AFTPH: variants seen among roughly 807,000 people sequenced by gnomAD.
The protein encoded by AFTPH is aftiphilin.
AFTPH carries 7 observed loss-of-function variants against 72.5 expected under a neutral mutation model. The observed-to-expected ratio is 0.10, with a 90% CI of 0.05 to 0.18. The LOEUF (loss-of-function observed/expected upper bound fraction) is 0.18. AFTPH is among the 10% of genes least tolerant of loss of function. The pLI is 1.00. For missense variants in AFTPH, 979 were observed against 1,060.5 expected, an observed-to-expected ratio of 0.92 and a Z score of 1.07; for synonymous variants, 337 against 370.1, an observed-to-expected ratio of 0.91 and a Z score of 1.03.
exon 9 of AFTPH, chr2:64,592,049 G>T (rs1453213445): frequency 6.2e-7 from 1 of 1,608,726 alleles, no homozygotes; most frequent in Admixed American, 1.7e-5. Context: ...ATGTGAATTG[G>T]ACAGTTTCTA....
At chr2:64,536,825 C>T (rs765095234) in intron 1 of AFTPH, among the ~76,000 whole-genome samples, 8 of 151,386 alleles carry the variant, frequency 5.3e-5, no homozygotes, top group Middle Eastern at 3.2e-3. Context: ...TGGTGGTGTA[C>T]ACCTGTAGTC....
chr2:64,536,856 A>G (rs78346390), intron 1 of AFTPH, among the ~76,000 whole-genome samples: 7,453 of 148,542 alleles, frequency 0.05, 426 homozygotes, highest in African/African-American at 0.14. Flanking sequence ...GGGTGGCTGA[A>G]GTGGGAGGAT....
chr2:64,555,599 A>AC (rs1558611151), intron 2 of AFTPH, among the ~76,000 whole-genome samples: 35 of 146,958 alleles, frequency 2.4e-4, no homozygotes, highest in African/African-American at 8.4e-4. Context: ...ACACACACAC[A>AC]AGACTTTCTT....
chr2:64,588,582 G>A (rs925697622), intron 8 of AFTPH, among the ~76,000 whole-genome samples: 21 of 152,136 alleles, frequency 1.4e-4, no homozygotes, highest in Non-Finnish European at 2.2e-4. Flanking sequence ...ACCAACACTT[G>A]TTATTGGTCT....
chr2:64,569,302 T>G, intron 4 of AFTPH, 84 bp downstream of exon 4: 1 of 1,476,570 alleles, frequency 6.8e-7, no homozygotes, highest in Non-Finnish European at 9.1e-7. Flanking sequence ...TAAGCTGTGG[T>G]AAGCTAGTTC....
intron 2 of AFTPH, among the ~76,000 whole-genome samples, chr2:64,564,191 T>G (rs529832468): frequency 2.2e-4 from 34 of 152,174 alleles, no homozygotes; most frequent in Non-Finnish European, 4.6e-4. Context: ...ATGGTAGAAA[T>G]TGATAAATTG....
chr2:64,545,101 ATTATT>A (rs1670488212), intron 1 of AFTPH, among the ~76,000 whole-genome samples: 2 of 152,314 alleles, frequency 1.3e-5, no homozygotes, highest in Non-Finnish European at 2.9e-5. Flanking sequence ...GAACCAATAA[ATTATT>A]TCATTTTTAA....
At chr2:64,582,065 A>T (rs1673238532) in intron 7 of AFTPH, among the ~76,000 whole-genome samples, 1 of 152,192 alleles carries the variant, frequency 6.6e-6, no homozygotes, top group South Asian at 2.1e-4. Context: ...TTTACATTTT[A>T]TTCAATATTA....
exon 2 of AFTPH, chr2:64,553,241 A>C: frequency 6.2e-7 from 1 of 1,614,124 alleles, no homozygotes; most frequent in Non-Finnish European, 8.5e-7. Flanking sequence ...CTGCTTTTGG[A>C]GACCAGCAGG....
intron 1 of AFTPH, among the ~76,000 whole-genome samples, chr2:64,526,007 A>G (rs1000113001): frequency 1.2e-4 from 18 of 152,266 alleles, no homozygotes; most frequent in African/African-American, 4.3e-4. Context: ...CAAAGTACAC[A>G]TATATTTTTA....
intron 2 of AFTPH, among the ~76,000 whole-genome samples, chr2:64,566,680 G>T (rs1039498793): frequency 6.6e-6 from 1 of 152,026 alleles, no homozygotes; most frequent in Non-Finnish European, 1.5e-5. Context: ...AAATAGGAAT[G>T]AATGTTATTG....
intron 2 of AFTPH, among the ~76,000 whole-genome samples, chr2:64,564,776 T>C (rs1056512036): frequency 3.9e-5 from 6 of 152,020 alleles, no homozygotes; most frequent in African/African-American, 1.2e-4. Context: ...CAAAACAAGA[T>C]AGTGGTGAGA....
chr2:64,585,047 G>A (rs1558633445), intron 7 of AFTPH, among the ~76,000 whole-genome samples: 1 of 152,194 alleles, frequency 6.6e-6, no homozygotes, highest in Non-Finnish European at 1.5e-5. Flanking sequence ...ATTGAAAAAT[G>A]GGGTGTCACA....
intron 2 of AFTPH, 47 bp downstream of exon 2, chr2:64,553,456 G>A: frequency 6.7e-7 from 1 of 1,499,214 alleles, no homozygotes; most frequent in East Asian, 2.3e-5. Flanking sequence ...AATTGTTGTG[G>A]AGGCTTCTAA....
At chr2:64,562,621 A>T (rs1027490894) in intron 2 of AFTPH, among the ~76,000 whole-genome samples, 2 of 152,170 alleles carry the variant, frequency 1.3e-5, no homozygotes, top group African/African-American at 4.8e-5. Flanking sequence ...GGAAATGGAG[A>T]TGATATTATT....
At chr2:64,576,133 T>TG (rs1672780440) in intron 6 of AFTPH, among the ~76,000 whole-genome samples, 1 of 116,332 alleles carries the variant, frequency 8.6e-6, no homozygotes, top group Non-Finnish European at 1.8e-5. Flanking sequence ...GTCATACAAA[T>TG]GAAATACGTG....
intron 1 of AFTPH, chr2:64,525,696 A>G (rs937608681): frequency 6.6e-6 from 1 of 152,260 alleles, no homozygotes; most frequent in South Asian, 2.1e-4. Context: ...GCTAAACTCT[A>G]GGGACAACAA....
chr2:64,585,329 G>A (rs1414859733), intron 7 of AFTPH, 93 bp from the exon 9 acceptor site: 64 of 1,466,542 alleles, frequency 4.4e-5, no homozygotes, highest in Non-Finnish European at 5.6e-5. Context: ...ACACTCAGAT[G>A]TTTACAGAAT....
chr2:64,577,614 A>T (rs1018347143), intron 6 of AFTPH, among the ~76,000 whole-genome samples: 11 of 152,218 alleles, frequency 7.2e-5, no homozygotes, highest in African/African-American at 2.7e-4. Context: ...GGTGTCACTG[A>T]TCTAGAAGTG....
Sources: allele counts gnomAD v4.1 joint callset (sites outside exome capture counted in the v4.1 genomes callset), GRCh38; gene constraint gnomAD v4.1.1; transcripts MANE v1.5; gene names NCBI Gene and HGNC (gene_info 2026-07-23, HGNC 2026-07-21).